CRYBG3: variants seen among roughly 807,000 people sequenced by gnomAD.
The protein encoded by CRYBG3 is very large A-kinase anchor protein.
A neutral mutation model predicts 244.2 loss-of-function variants in CRYBG3; 127 were observed. That is an observed-to-expected ratio of 0.52 (90% CI 0.45 to 0.60). CRYBG3 has a LOEUF of 0.60. CRYBG3 is among the 20% of genes least tolerant of loss of function. CRYBG3 has a pLI of 0.00. For missense variants in CRYBG3, 3,325 were observed against 3,442.5 expected, an observed-to-expected ratio of 0.97 and a Z score of 0.85; for synonymous variants, 1,132 against 1,195.8, an observed-to-expected ratio of 0.95 and a Z score of 1.10.
At chr3:97,868,669 C>T (rs1364800033) in intron 3 of CRYBG3, among the ~76,000 whole-genome samples, 1 of 152,118 alleles carries the variant, frequency 6.6e-6, no homozygotes, top group Non-Finnish European at 1.5e-5. Flanking sequence ...AACAATGATT[C>T]CCACTGCCTA....
chr3:97,841,302 A>ATG, intron 1 of CRYBG3, among the ~76,000 whole-genome samples: 1 of 149,940 alleles, frequency 6.7e-6, no homozygotes, highest in African/African-American at 2.5e-5. Flanking sequence ...ACCTATATGT[A>ATG]TATATATGTG....
chr3:97,936,086 G>C (rs1355214452), intron 18 of CRYBG3, among the ~76,000 whole-genome samples: 1 of 152,118 alleles, frequency 6.6e-6, no homozygotes, highest in African/African-American at 2.4e-5. Flanking sequence ...TTTTCAGTTT[G>C]TGGGTCATCT....
intron 15 of CRYBG3, among the ~76,000 whole-genome samples, chr3:97,908,063 G>T (rs965338991): frequency 6.6e-6 from 1 of 152,200 alleles, no homozygotes; most frequent in African/African-American, 2.4e-5. Flanking sequence ...GGTTTTGAGT[G>T]AGATTCCTAA....
At chr3:97,921,859 G>C (rs1309404847) in intron 17 of CRYBG3, among the ~76,000 whole-genome samples, 1 of 152,174 alleles carries the variant, frequency 6.6e-6, no homozygotes, top group African/African-American at 2.4e-5. Context: ...GGGAGCAGTA[G>C]TTAGCTGGTT....
At chr3:97,902,437 T>A (rs973358089) in intron 15 of CRYBG3, among the ~76,000 whole-genome samples, 2 of 152,108 alleles carry the variant, frequency 1.3e-5, no homozygotes, top group Non-Finnish European at 2.9e-5. Context: ...TTATTTATTT[T>A]TTGTTTTGGG....
intron 8 of CRYBG3, among the ~76,000 whole-genome samples, chr3:97,887,860 T>A (rs1380296064): frequency 6.6e-6 from 1 of 152,202 alleles, no homozygotes; most frequent in Non-Finnish European, 1.5e-5. Flanking sequence ...AGCTGGAAGA[T>A]GGGTCTTTTG....
At chr3:97,886,801 A>G (rs1400848682) in intron 8 of CRYBG3, 34 bp downstream of exon 8, 1 of 1,488,056 alleles carries the variant, frequency 6.7e-7, no homozygotes, top group Non-Finnish European at 9.0e-7. Context: ...ATAGTGATTG[A>G]TGGCCACCAA....
At chr3:97,835,454 G>A (rs142897027) in intron 1 of CRYBG3, among the ~76,000 whole-genome samples, 1 of 152,156 alleles carries the variant, frequency 6.6e-6, no homozygotes, top group Non-Finnish European at 1.5e-5. Context: ...TGGGCAGAAG[G>A]AACATTCACT....
Position 97,941,264 on chromosome 3 carries a change from T to C in CRYBG3, c.8622T>C (p.Asn2874=), listed in dbSNP as rs1040524578. The C allele has an allele frequency of 6.2e-7, 1 of 1,610,768 alleles. No homozygotes were observed. Among genetic ancestry groups the C allele is most frequent in the Non-Finnish European group, 8.5e-7 (1 of 1,177,592 alleles). Residue 2874 remains asparagine (N), a synonymous_variant, in exon 20 of 22, where the codon AAT becomes AAC. Coordinates refer to ENST00000389622, the MANE Select transcript of CRYBG3 (RefSeq NM_153605.4). ...SVCISPYSGK[N]TQIWYYCRGL... ...GCATTTCTCCCTATAGTGGAAAGAATACTCAGATCTGGTACTACTGCCGAG... is the reference window on the plus strand; with the variant it reads ...GCATTTCTCCCTATAGTGGAAAGAACACTCAGATCTGGTACTACTGCCGAG...
intron 17 of CRYBG3, among the ~76,000 whole-genome samples, chr3:97,921,947 C>G (rs958466474): frequency 7.2e-5 from 11 of 151,938 alleles, no homozygotes; most frequent in Admixed American, 4.6e-4. Flanking sequence ...CCTGGCAGCT[C>G]CAAGGAGGCA....
At chr3:97,893,165 T>C (rs1217959752) in intron 11 of CRYBG3, among the ~76,000 whole-genome samples, 172 bp downstream of exon 11, 1 of 152,236 alleles carries the variant, frequency 6.6e-6, no homozygotes, top group East Asian at 1.9e-4. Context: ...GACTCTTGTT[T>C]GTATTAAATA....
At chr3:97,925,846 A>T (rs1421754078) in intron 17 of CRYBG3, among the ~76,000 whole-genome samples, 1 of 151,714 alleles carries the variant, frequency 6.6e-6, no homozygotes, top group East Asian at 1.9e-4. Context: ...ATGTATCATA[A>T]TTTTTTTTTA....
intron 2 of CRYBG3, among the ~76,000 whole-genome samples, chr3:97,857,823 A>G (rs1264260437): frequency 6.6e-6 from 1 of 152,072 alleles, no homozygotes; most frequent in Non-Finnish European, 1.5e-5. Flanking sequence ...ATTTACGGTT[A>G]TTATTGATAA....
In CRYBG3 at chr3:97,877,911, G is replaced by A. The variant is rs763388038; in HGVS notation, c.6717G>A (p.Gln2239=). The change falls in exon 4 of 22, where the codon CAG becomes CAA. Residue 2239 remains glutamine, a synonymous_variant. Transcript: ENST00000389622. ...CTTCTTTAAAGAGTGCTTATCATCA[G>A]TATCTGCAGACTTCCCAAAGTCATT... is the stretch of plus-strand genomic sequence containing the variant. ...LHSSLKSAYH[Q]YLQTSQSHSS... is the part of the protein sequence containing the mutation. The A allele has an allele frequency of 3.1e-6, 5 of 1,614,048 alleles. No homozygotes were observed. The Admixed American group carries it at 8.3e-5, about 27-fold the overall frequency.
Position 97,941,152 on chromosome 3 carries a change from C to T in CRYBG3, c.8510C>T (p.Ala2837Val). ...IGSLRPMKQP[A>V]VYIRIKNRAQ... ...TGGCTGTTTCTCCTGTCATAGCCTG[C>T]AGTGTACATCAGAATAAAGAACCGT... The change falls in exon 20 of 22, where the codon GCA becomes GTA. Residue 2837 changes from alanine to valine, a missense_variant. Ala to Val is a moderately conservative substitution (Grantham distance 64). This residue lies in a region of CRYBG3 where 714 missense variants were observed against 803.6 expected (regional missense o/e 0.89). Transcript: ENST00000389622. 1 of 1,605,148 alleles carries T rather than the reference C, an allele frequency of 6.2e-7. No individual in the cohort carries two copies. Among genetic ancestry groups the T allele is most frequent in the Non-Finnish European group, 8.5e-7 (1 of 1,175,602 alleles).
intron 17 of CRYBG3, chr3:97,933,097 G>A: frequency 4.4e-6 from 2 of 454,542 alleles, no homozygotes; most frequent in Non-Finnish European, 8.8e-6. Context: ...TTAACATGGT[G>A]TCTTGCATAC....
Position 97,864,505 on chromosome 3 carries a change from A to G in CRYBG3, c.505A>G (p.Arg169Gly). The G allele has an allele frequency of 2.0e-6, 3 of 1,535,980 alleles. No homozygotes were observed. Among genetic ancestry groups the G allele is most frequent in the Non-Finnish European group, 2.6e-6 (3 of 1,146,810 alleles). ...TGACCATCATGAAGACGGGATCAAA[A>G]GGGAGAGAGAGATTTTCAGTGGCTC... ...PSDHHEDGIKREREIFSGSLR... is the reference protein window; with the variant it reads ...PSDHHEDGIKGEREIFSGSLR... Residue 169 changes from arginine to glycine, a missense_variant, in exon 3 of 22, where the codon AGG becomes GGG. This residue lies in a region of CRYBG3 where 1,526 missense variants were observed against 1,443.2 expected (regional missense o/e 1.06). Coordinates refer to ENST00000389622, the MANE Select transcript of CRYBG3 (RefSeq NM_153605.4).
At chr3:97,932,623 CAT>C (rs2040109923) in intron 17 of CRYBG3, among the ~76,000 whole-genome samples, 1 of 152,044 alleles carries the variant, frequency 6.6e-6, no homozygotes, top group Non-Finnish European at 1.5e-5. Flanking sequence ...TCAGCCCACT[CAT>C]AGTCCTTAGT....
intron 2 of CRYBG3, among the ~76,000 whole-genome samples, chr3:97,849,781 C>T (rs369327071): frequency 3.9e-4 from 59 of 152,288 alleles, no homozygotes; most frequent in African/African-American, 8.2e-4. Flanking sequence ...TTCTGGAACA[C>T]GAGAGTGAGC....
Sources: gnomAD v4.1 joint callset for allele counts (sites outside exome capture counted in the v4.1 genomes callset) on GRCh38, gnomAD v4.1.1 for gene constraint, gnomAD v4.1.1 regional missense constraint, MANE v1.5 for transcripts, NCBI Gene and HGNC (gene_info 2026-07-23, HGNC 2026-07-21) for gene names.